Variants in MPRIP observed in about 807,000 individuals in gnomAD.
MPRIP encodes myosin phosphatase Rho-interacting protein.
Under a neutral mutation model 234.9 loss-of-function variants are expected in MPRIP, and 59 were observed. That is an observed-to-expected ratio of 0.25 (90% CI 0.20 to 0.31). The LOEUF (loss-of-function observed/expected upper bound fraction) is 0.31, where lower values mean the gene tolerates loss of function less well. Ranked by LOEUF, MPRIP falls within the 10% of genes least tolerant of loss-of-function variation. The pLI, the probability that MPRIP is intolerant of heterozygous loss-of-function variation, is 1.00. For missense variants in MPRIP, 2,436 were observed against 3,071.0 expected (o/e 0.79, Z 4.89); for synonymous variants, 1,144 against 1,263.9 (o/e 0.91, Z 2.01).
At chr17:17,117,097 G>A (rs547219877) in intron 3 of MPRIP, among the ~76,000 whole-genome samples, 7 of 152,250 alleles carry the variant, frequency 4.6e-5, no homozygotes, top group Non-Finnish European at 7.4e-5. Flanking sequence ...TCTGCCACAG[G>A]GTAGAAGACG....
chr17:17,059,669 C>T (rs536834036), intron 1 of MPRIP, among the ~76,000 whole-genome samples: 2 of 152,336 alleles, frequency 1.3e-5, no homozygotes, highest in Admixed American at 6.5e-5. Flanking sequence ...CACCACCTTT[C>T]GTGTCTTCGT....
chr17:17,056,489 T>C (rs1253217836), intron 1 of MPRIP, among the ~76,000 whole-genome samples: 1 of 152,018 alleles, frequency 6.6e-6, no homozygotes, highest in African/African-American at 2.4e-5. Flanking sequence ...GACCTGTGTG[T>C]GGGCAGAGGG....
In MPRIP at chr17:17,152,187, G is replaced by A. The variant is rs554105608; in HGVS notation, c.1719+1954G>A. Among the ~76,000 whole-genome samples, 12 of 152,374 alleles carry A rather than the reference G, an allele frequency of 7.9e-5. No homozygotes were observed. In the South Asian group the frequency reaches 1.0e-3, roughly 13 times the overall value. ...ACACTGACAGCCTGGCACCAGGGCCGGGTGTGAGTTGTCTGCTCTTAGTGG... is the reference window on the plus strand; with the variant it reads ...ACACTGACAGCCTGGCACCAGGGCCAGGTGTGAGTTGTCTGCTCTTAGTGG... On this transcript the variant is annotated intron_variant, in intron 12 of 23. Transcript: ENST00000651222.
Position 17,078,140 on chromosome 17 carries a change from C to T in MPRIP, c.267+64C>T, listed in dbSNP as rs775035299. On this transcript the variant is annotated intron_variant, in intron 3 of 23. Transcript: ENST00000651222. This position sits in a 1 kb window ranked among gnomAD's most constrained non-coding sequence, Gnocchi z 4.3. ...CACCAAGTCCCTCCATTACAGTGCCCTTGCGTTGTCATGTGAGAGCACAGC... is the reference window on the plus strand; with the variant it reads ...CACCAAGTCCCTCCATTACAGTGCCTTTGCGTTGTCATGTGAGAGCACAGC... 1.3e-6 allele frequency: 2 copies of T among 1,528,528 alleles called. No individual in the cohort carries two copies. The highest frequency in any genetic ancestry group is 3.3e-5 in the Admixed American group (2 of 59,762). 94.7% of individuals were successfully genotyped at this position (1,528,528 alleles called of 1,614,324 possible).
In MPRIP at chr17:17,167,163, G is replaced by A. The variant is rs1208071320; in HGVS notation, c.5572G>A (p.Glu1858Lys). The A allele has an allele frequency of 2.3e-6, 3 of 1,303,998 alleles. No individual in the cohort carries two copies. The highest frequency in any genetic ancestry group is 3.0e-6 in the Non-Finnish European group (3 of 988,950). The allele number at this position is 1,303,998 out of a possible 1,614,324, so 80.8% of individuals were successfully genotyped here. Residue 1858 changes from glutamate to lysine, a missense_variant, in exon 16 of 24, where the codon GAA becomes AAA. By Grantham distance (56) the Glu-to-Lys change is moderately conservative. Transcript: ENST00000651222. This position sits in a 1 kb window ranked among gnomAD's most constrained non-coding sequence, Gnocchi z 5.9. Reference protein sequence around the residue: ...VCYASCRIRLEYEKELQLCKE... With the variant: ...VCYASCRIRLKYEKELQLCKE... ...CTATGCGTCCTGCAGAATCCGGCTAGAATATGAGAAGGAGCTCCAGCTCTG... is the reference window on the plus strand; with the variant it reads ...CTATGCGTCCTGCAGAATCCGGCTAAAATATGAGAAGGAGCTCCAGCTCTG...
chr17:17,153,370 C>G (rs116811011), intron 12 of MPRIP, among the ~76,000 whole-genome samples: 2 of 152,114 alleles, frequency 1.3e-5, no homozygotes, highest in African/African-American at 4.8e-5. Flanking sequence ...GCTCTCGGTT[C>G]AAGGCTGCAG....
chr17:17,126,270 T>C (rs1401601144), intron 3 of MPRIP, among the ~76,000 whole-genome samples: 1 of 152,214 alleles, frequency 6.6e-6, no homozygotes, highest in Non-Finnish European at 1.5e-5. Context: ...CCCCACAGCC[T>C]GCTCTCAAGG....
At chr17:17,134,479 C>G (rs2090655990) in intron 5 of MPRIP, among the ~76,000 whole-genome samples, 1 of 152,186 alleles carries the variant, frequency 6.6e-6, no homozygotes, top group Non-Finnish European at 1.5e-5. Flanking sequence ...GAGAAACCTT[C>G]ACTGTTTGCT....
rs78462027 is a variant in MPRIP at position 17,048,232 on chromosome 17, G to T, written c.123+5261G>T. On this transcript the variant is annotated intron_variant, in intron 1 of 23. Transcript: ENST00000651222. ...GAGCTCGGTCTTGATCTCTCCCAGG[G>T]TTCTTAGTCTTCCTGGTGTGATTCT... 8.9e-3 allele frequency among the ~76,000 whole-genome samples: 1,360 copies of T among 152,190 alleles called. 25 individuals carry two copies. The highest frequency in any genetic ancestry group is 0.03 in the African/African-American group (1,229 of 41,490).
At chr17:17,140,178 G>C (rs1432556535) in intron 7 of MPRIP, among the ~76,000 whole-genome samples, 3 of 152,210 alleles carry the variant, frequency 2.0e-5, no homozygotes, top group African/African-American at 4.8e-5. Flanking sequence ...TGTGTGTCGT[G>C]GTGGCTCCAG....
At chr17:17,144,283 C>A (rs1157125901) in intron 9 of MPRIP, among the ~76,000 whole-genome samples, 5 of 152,230 alleles carry the variant, frequency 3.3e-5, no homozygotes, top group African/African-American at 9.6e-5. Context: ...TCACCATGGG[C>A]CTCCGGCCTG....
At chr17:17,055,993 C>T (rs879479031) in intron 1 of MPRIP, among the ~76,000 whole-genome samples, 5 of 152,188 alleles carry the variant, frequency 3.3e-5, no homozygotes, top group South Asian at 2.1e-4. Flanking sequence ...GTGGCAAAGC[C>T]GGGAGGAAAC....
chr17:17,130,757 T>C (rs1313606215), intron 4 of MPRIP, among the ~76,000 whole-genome samples: 2 of 152,016 alleles, frequency 1.3e-5, no homozygotes, highest in African/African-American at 4.8e-5. Flanking sequence ...GGACCTACAC[T>C]GCCCTCCGCT....
At chr17:17,057,310 G>A (rs1372211022) in intron 1 of MPRIP, among the ~76,000 whole-genome samples, 1 of 152,260 alleles carries the variant, frequency 6.6e-6, no homozygotes, top group Non-Finnish European at 1.5e-5. Flanking sequence ...GTGTCACGGG[G>A]CGGTGCAGGG....
Position 17,166,089 on chromosome 17 carries a change from G to T in MPRIP, c.4498G>T (p.Ala1500Ser), listed in dbSNP as rs746184698. 2 of 1,298,820 alleles carry T rather than the reference G, an allele frequency of 1.5e-6. No homozygotes were observed. The highest frequency in any genetic ancestry group is 4.6e-5 in the Admixed American group (2 of 43,210). The allele number at this position is 1,298,820 out of a possible 1,614,324, so 80.5% of individuals were successfully genotyped here. A position where few individuals can be genotyped will look rare whatever the true frequency, so the allele number is the denominator to read the frequency against. Residue 1500 changes from alanine to serine, a missense_variant, in exon 16 of 24, where the codon GCA (alanine) becomes TCA (serine). This residue lies in a region of MPRIP where 1,998 missense variants were observed against 2,520.3 expected (regional missense o/e 0.79). Transcript: ENST00000651222. This position sits in a 1 kb window ranked among gnomAD's most constrained non-coding sequence, Gnocchi z 4.4. ...GGCCAGCCAGGAGGATGAGCAGGAC[G>T]CACGCGCAGCCTCCCTGGCCAGTGT... Reference protein sequence around the residue: ...PRASQEDEQDARAASLASVES... With the variant: ...PRASQEDEQDSRAASLASVES...
chr17:17,180,525 A>G (rs1425736764), intron 23 of MPRIP: 1 of 1,275,278 alleles, frequency 7.8e-7, no homozygotes, highest in Non-Finnish European at 1.1e-6. Flanking sequence ...AGCCATGCAC[A>G]GGAGGGCGGG....
intron 17 of MPRIP, 106 bp downstream of exon 17, chr17:17,171,971 A>G (rs2046147201): frequency 1.0e-5 from 13 of 1,286,048 alleles, no homozygotes; most frequent in Non-Finnish European, 1.4e-5. Flanking sequence ...TTTGGCTGAG[A>G]TGTAAACTTC....
chr17:17,086,251 A>T (rs1377084270), intron 3 of MPRIP, among the ~76,000 whole-genome samples: 1 of 152,132 alleles, frequency 6.6e-6, no homozygotes, highest in African/African-American at 2.4e-5. Flanking sequence ...ACGAGATTCC[A>T]GAAATTGAAG....
intron 20 of MPRIP, among the ~76,000 whole-genome samples, chr17:17,175,756 C>T (rs895822169): frequency 2.6e-5 from 4 of 152,182 alleles, no homozygotes; most frequent in African/African-American, 4.8e-5. Context: ...CAGGGAGGCT[C>T]GCTTTATGTT....
Sources: gnomAD v4.1 joint callset for allele counts (sites outside exome capture counted in the v4.1 genomes callset) on GRCh38, gnomAD v4.1.1 for gene constraint, gnomAD v4.1.1 regional missense constraint, Gnocchi (gnomAD v3.1) non-coding constraint, MANE v1.5 for transcripts, NCBI Gene and HGNC (gene_info 2026-07-23, HGNC 2026-07-21) for gene names.